Variants in FBXL6 observed in about 807,000 individuals in gnomAD.
The protein encoded by FBXL6 is F-box/LRR-repeat protein 6.
Under a neutral mutation model 53.3 loss-of-function variants are expected in FBXL6, and 50 were observed. The observed-to-expected ratio is 0.94, with a 90% confidence interval of 0.75 to 1.19. The LOEUF (loss-of-function observed/expected upper bound fraction) is 1.19, where lower values mean the gene tolerates loss of function less well. Among genes scored for constraint, FBXL6 ranks in the 50% most tolerant of loss-of-function variants. FBXL6 has a pLI of 0.00. For missense variants in FBXL6, 815 were observed against 719.0 expected (o/e 1.13, Z -1.53); for synonymous variants, 405 against 322.9 (o/e 1.25, Z -2.73).
Position 144,356,017 on chromosome 8 carries a change from G to A in FBXL6, c.1423C>T (p.Leu475=), listed in dbSNP as rs1183979800. 4 of 1,613,020 alleles carry A rather than the reference G, an allele frequency of 2.5e-6. No homozygotes were observed. In the African/African-American group the frequency reaches 5.3e-5, roughly 22 times the overall value. ...GTGCCCCTGAGGTTAAGAGAGCACA[G>A]GGCTGGGTGTGAGCCCCCAGGGGTG... is the stretch of plus-strand genomic sequence containing the variant. The part of the protein sequence containing the change: ...LSTPGGSHPA[L]CSLNLRGTRV... Residue 475 remains leucine, a synonymous_variant, in exon 8 of 9, where the codon CTG becomes TTG. Transcript: ENST00000331890.
In FBXL6 at chr8:144,355,973, A is replaced by C; in HGVS notation, c.1467T>G (p.Thr489=). The change falls in exon 8 of 9, where the codon ACT becomes ACG. Residue 489 remains threonine (T), a synonymous_variant. Transcript: ENST00000331890. The part of the protein sequence containing the change: ...NLRGTRVTPS[T]VSSVISGCPG... ...CTGGGGTAGGGGATGCTGACCTGAC[A>C]GTGCTTGGTGTGACCCGGGTGCCCC... 1 of 1,612,024 alleles carries C rather than the reference A, an allele frequency of 6.2e-7. No homozygotes were observed. Among genetic ancestry groups the C allele is most frequent in the Non-Finnish European group, 8.5e-7 (1 of 1,179,200 alleles).
In FBXL6 at chr8:144,356,847, G is replaced by C. The variant is rs368813425; in HGVS notation, c.840C>G (p.Thr280=). The C allele has an allele frequency of 8.7e-6, 14 of 1,613,170 alleles. No individual in the cohort carries two copies. The African/African-American group carries it at 1.9e-4, about 22-fold the overall frequency. Residue 280 remains threonine (T), a synonymous_variant, in exon 5 of 9, where the codon ACC becomes ACG. Transcript: ENST00000331890. Reference sequence around the variant, plus strand: ...GGATGGCTGTCGTCTGGGAGCTGTAGGTCAGCCACAACTTGCGCATTCGGG... The same window carrying C: ...GGATGGCTGTCGTCTGGGAGCTGTACGTCAGCCACAACTTGCGCATTCGGG... The part of the protein sequence containing the change: ...AGSRMRKLWL[T]YSSQTTAILG...
rs1554853457 is a variant in FBXL6 at position 144,358,337 on chromosome 8, G to A, written c.111C>T (p.Tyr37=). 8 of 1,267,800 alleles carry A rather than the reference G, an allele frequency of 6.3e-6. No individual in the cohort carries two copies. Among genetic ancestry groups the A allele is most frequent in the Non-Finnish European group, 5.9e-6 (6 of 1,008,520 alleles). 78.5% of individuals were successfully genotyped at this position (1,267,800 alleles called of 1,614,324 possible). A position where few individuals can be genotyped will look rare whatever the true frequency, so the allele number is the denominator to read the frequency against. The change falls in exon 1 of 9, where the codon TAC becomes TAT. Residue 37 remains tyrosine, a synonymous_variant. Transcript: ENST00000331890. ...WDRLAPRGSG[Y]HLLQSDSMLL... ...GCATGCTGTCGGACTGCAGCAGGTG[G>A]TACCCCGAGCCCCTCGGCGCCAGCC... is the stretch of plus-strand genomic sequence containing the variant.
In FBXL6 at chr8:144,356,160, G is replaced by A. The variant is rs1554852714; in HGVS notation, c.1280C>T (p.Ala427Val). 6.2e-6 allele frequency: 10 copies of A among 1,612,946 alleles called. No individual in the cohort carries two copies. In the South Asian group the frequency reaches 1.1e-4, roughly 18 times the overall value. The change falls in exon 8 of 9, where the codon GCC (alanine) becomes GTC (valine). Residue 427 changes from alanine to valine, a missense_variant. Ala to Val is a moderately conservative substitution (Grantham distance 64). Coordinates refer to ENST00000331890, the MANE Select transcript of FBXL6 (RefSeq NM_012162.4). ...LYGTSDRLTL[A>V]KEGSPFLTQK... ...GGTCAAAAAGGGGCTGCCCTCCTTG[G>A]CTAGAGTCAGCCGGTCTGACGTGCC...
intron 3 of FBXL6, 147 bp from the exon 4 acceptor site, chr8:144,357,268 C>G: frequency 3.1e-6 from 4 of 1,286,840 alleles, no homozygotes; most frequent in Non-Finnish European, 4.3e-6. Context: ...TGGGTGTCCC[C>G]GCCTCTGATA....
chr8:144,356,619 T>C lies in FBXL6; in HGVS notation c.974A>G (p.Lys325Arg). ...AGGTACCTGGAGCTGAGGGCAGCCT[T>C]TCTGCAGAGCCTCGACAGGCAGCTG... is the stretch of plus-strand genomic sequence containing the variant. ...PLQLPVEALQKGCPQLQVLRL... is the reference protein window; with the variant it reads ...PLQLPVEALQRGCPQLQVLRL... The change falls in exon 6 of 9, where the codon AAA (lysine) becomes AGA (arginine). Residue 325 changes from lysine (K) to arginine (R), a missense_variant. Physicochemically the swap from Lys to Arg is conservative, Grantham distance 26. Coordinates refer to ENST00000331890, the MANE Select transcript of FBXL6 (RefSeq NM_012162.4). The C allele has an allele frequency of 6.2e-7, 1 of 1,612,902 alleles. No homozygotes were observed. The highest frequency in any genetic ancestry group is 1.1e-5 in the South Asian group (1 of 91,074).
rs1818384652 is a variant in FBXL6, at chr8:144,355,956, G to A, written c.1472+12C>T. 1 of 1,610,512 alleles carries A rather than the reference G, an allele frequency of 6.2e-7. No homozygotes were observed. Among genetic ancestry groups the A allele is most frequent in the Admixed American group, 1.7e-5 (1 of 59,954 alleles). On this transcript the variant is annotated intron_variant, in intron 8 of 8. Transcript: ENST00000331890. ...CACACTGGCTCCAGGGACTGGGGTA[G>A]GGGATGCTGACCTGACAGTGCTTGG...
At chr8:144,355,946 G>A (rs782241766) in intron 8 of FBXL6, 22 bp downstream of exon 8, 4 of 1,608,954 alleles carry the variant, frequency 2.5e-6, no homozygotes, top group East Asian at 4.5e-5. Flanking sequence ...TGGCTCCAGG[G>A]ACTGGGGTAG....
intron 3 of FBXL6, 63 bp downstream of exon 3, chr8:144,357,375 TC>T (rs1818504357): frequency 1.3e-6 from 2 of 1,528,372 alleles, no homozygotes; most frequent in East Asian, 4.8e-5. Flanking sequence ...CTGACCCACT[TC>T]CTAGAGTACT....
In FBXL6 at chr8:144,358,362, C is replaced by G. The variant is rs1265551843; in HGVS notation, c.86G>C (p.Arg29Pro). 2.4e-6 allele frequency: 3 copies of G among 1,271,172 alleles called. No homozygotes were observed. Among genetic ancestry groups the G allele is most frequent in the Non-Finnish European group, 9.9e-7 (1 of 1,009,780 alleles). The allele number at this position is 1,271,172 out of a possible 1,614,324, so 78.7% of individuals were successfully genotyped here. Residue 29 changes from arginine (R) to proline (P), a missense_variant, in exon 1 of 9, where the codon CGG becomes CCG. Coordinates refer to ENST00000331890, the MANE Select transcript of FBXL6 (RefSeq NM_012162.4). The stretch of plus-strand genomic sequence containing the variant: ...GTACCCCGAGCCCCTCGGCGCCAGC[C>G]GGTCCCACCACCAGTCCTCGGCCGA... ...PRSAEDWWWD[R>P]LAPRGSGYHL...
rs1183503754 is a variant in FBXL6 at position 144,356,691 on chromosome 8, T to C, written c.902A>G (p.Gln301Arg). Residue 301 changes from glutamine (Q) to arginine (R), a missense_variant, in exon 6 of 9, where the codon CAG becomes CGG. By Grantham distance (43) the Gln-to-Arg change is conservative. Coordinates refer to ENST00000331890, the MANE Select transcript of FBXL6 (RefSeq NM_012162.4). ...GATGCCGGTGCTCACCTCCAGGACC[T>C]GGAGCTGGGGGCAGCAGCTGCCCTG... ...ALLGSCCPQLQVLEVSTGINR... is the reference protein window; with the variant it reads ...ALLGSCCPQLRVLEVSTGINR... 6.2e-7 allele frequency: 1 copy of C among 1,612,036 alleles called. No individual in the cohort carries two copies.
At chr8:144,355,714 T>G in intron 8 of FBXL6, 36 bp from the exon 9 acceptor site, 1 of 1,606,246 alleles carries the variant, frequency 6.2e-7, no homozygotes, top group South Asian at 1.1e-5. Context: ...GTTGAGCTGT[T>G]GCCTCAGAAG....
In FBXL6 at chr8:144,358,375, A is replaced by C; in HGVS notation, c.73T>G (p.Trp25Gly). ...CTCGGCGCCAGCCGGTCCCACCACC[A>C]GTCCTCGGCCGAGCGGGGCCGCGGC... ...AAPRPRSAED[W>G]WWDRLAPRGS... is the part of the protein sequence containing the mutation. Residue 25 changes from tryptophan to glycine, a missense_variant, in exon 1 of 9, where the codon TGG (tryptophan) becomes GGG (glycine). By Grantham distance (184) the Trp-to-Gly change is radical. Transcript: ENST00000331890. 7.9e-7 allele frequency: 1 copy of C among 1,266,978 alleles called. No individual in the cohort carries two copies. Among genetic ancestry groups the C allele is most frequent in the Non-Finnish European group, 9.9e-7 (1 of 1,007,276 alleles). 78.5% of individuals were successfully genotyped at this position (1,266,978 alleles called of 1,614,324 possible). A position where few individuals can be genotyped will look rare whatever the true frequency, so the allele number is the denominator to read the frequency against.
In FBXL6 at chr8:144,356,871, G is replaced by A. The variant is rs536952980; in HGVS notation, c.816C>T (p.Ser272=). ...AVVSFLEEAG[S]RMRKLWLTYS... Reference sequence around the variant, plus strand: ...AGGTCAGCCACAACTTGCGCATTCGGGACCCTGCCTCCTCCAAGAAGCTCA... The same window carrying A: ...AGGTCAGCCACAACTTGCGCATTCGAGACCCTGCCTCCTCCAAGAAGCTCA... Residue 272 remains serine, a synonymous_variant, in exon 5 of 9, where the codon TCC becomes TCT. Transcript: ENST00000331890. 6.2e-7 allele frequency: 1 copy of A among 1,613,412 alleles called. No individual in the cohort carries two copies. The highest frequency in any genetic ancestry group is 1.1e-5 in the South Asian group (1 of 91,086).
rs976366789 is a variant in FBXL6 at position 144,355,668 on chromosome 8, T to C, written c.1483A>G (p.Ser495Gly). Residue 495 changes from serine to glycine, a missense_variant, in exon 9 of 9, where the codon AGC becomes GGC. Physicochemically the swap from Ser to Gly is moderately conservative, Grantham distance 56. Transcript: ENST00000331890. ...AGGTAGAGCAGGCCCGGGCAGCCGC[T>C]GATCACAGAGCTGTGGGGAGGGCAG... ...VTPSTVSSVI[S>G]GCPGLLYLNL... The C allele has an allele frequency of 6.2e-6, 10 of 1,610,672 alleles. No homozygotes were observed. The highest frequency in any genetic ancestry group is 2.7e-5 in the African/African-American group (2 of 74,980).
In FBXL6 at chr8:144,356,473, G is replaced by C; in HGVS notation, c.1052C>G (p.Pro351Arg). 2 of 1,612,976 alleles carry C rather than the reference G, an allele frequency of 1.2e-6. No homozygotes were observed. The highest frequency in any genetic ancestry group is 2.7e-5 in the African/African-American group (2 of 75,062). ...CTCTAGGCTAGGGAAGCCTGGTCCG[G>C]GAGCCACCCCTCGTCCCGGAGGCTT... The part of the protein sequence containing the change: ...LPKPPGRGVA[P>R]GPGFPSLEEL... Residue 351 changes from proline to arginine, a missense_variant, in exon 7 of 9, where the codon CCC becomes CGC. Coordinates refer to ENST00000331890, the MANE Select transcript of FBXL6 (RefSeq NM_012162.4).
Position 144,356,156 on chromosome 8 carries a change from C to T in FBXL6, c.1284G>A (p.Lys428=). ...TCTGGGTCAAAAAGGGGCTGCCCTC[C>T]TTGGCTAGAGTCAGCCGGTCTGACG... is the stretch of plus-strand genomic sequence containing the variant. The part of the protein sequence containing the change: ...YGTSDRLTLA[K]EGSPFLTQKW... The change falls in exon 8 of 9, where the codon AAG becomes AAA. Residue 428 remains lysine (K), a synonymous_variant. Transcript: ENST00000331890. 1 of 1,612,938 alleles carries T rather than the reference C, an allele frequency of 6.2e-7. No individual in the cohort carries two copies. Among genetic ancestry groups the T allele is most frequent in the Non-Finnish European group, 8.5e-7 (1 of 1,180,014 alleles).
In FBXL6 at chr8:144,357,049, G is replaced by C; in HGVS notation, c.712C>G (p.Leu238Val). Residue 238 changes from leucine (L) to valine (V), a missense_variant, in exon 4 of 9, where the codon CTG becomes GTG. By Grantham distance (32) the Leu-to-Val change is conservative. Transcript: ENST00000331890. ...SGCHGVTADA[L>V]VMLAKACCQL... ...CAGCAGGCTTTGGCTAGCATGACCA[G>C]AGCGTCAGCAGTCACACCGTGGCAG... The C allele has an allele frequency of 6.2e-7, 1 of 1,612,986 alleles. No homozygotes were observed. The highest frequency in any genetic ancestry group is 8.5e-7 in the Non-Finnish European group (1 of 1,180,028).
In FBXL6 at chr8:144,356,897, C is replaced by A. The variant is rs1554852963; in HGVS notation, c.790G>T (p.Val264Leu). 2 of 1,613,392 alleles carry A rather than the reference C, an allele frequency of 1.2e-6. No homozygotes were observed. The highest frequency in any genetic ancestry group is 1.7e-6 in the Non-Finnish European group (2 of 1,180,026). ...GACCCTGCCTCCTCCAAGAAGCTCA[C>A]CACAGCTGTGGACTCCACCTGGGGC... is the stretch of plus-strand genomic sequence containing the variant. ...QHSMVESTAVVSFLEEAGSRM... is the reference protein window; with the variant it reads ...QHSMVESTAVLSFLEEAGSRM... The change falls in exon 5 of 9, where the codon GTG (valine) becomes TTG (leucine). Residue 264 changes from valine (V) to leucine (L), a missense_variant. Transcript: ENST00000331890.
Sources: allele counts gnomAD v4.1 joint callset, GRCh38; gene constraint gnomAD v4.1.1; transcripts MANE v1.5; gene names NCBI Gene and HGNC (gene_info 2026-07-23, HGNC 2026-07-21).